The following CTNND2 variants were observed in gnomAD, a reference collection of about 807,000 sequenced individuals.
The protein encoded by CTNND2 is catenin delta-2.
In CTNND2, 22 loss-of-function variants were observed where a neutral mutation model predicts 144.4. That is an observed-to-expected ratio of 0.15 (90% CI 0.11 to 0.22). The LOEUF is 0.22. Ranked by LOEUF, CTNND2 falls within the 10% of genes least tolerant of loss-of-function variation. The pLI is 1.00. For missense variants in CTNND2, 1,353 were observed against 1,618.8 expected (o/e 0.84, Z 2.82); for synonymous variants, 751 against 695.6 (o/e 1.08, Z -1.25).
intron 5 of CTNND2, among the ~76,000 whole-genome samples, chr5:11,404,376 T>C (rs1422722063): frequency 6.6e-6 from 1 of 152,116 alleles, no homozygotes; most frequent in Non-Finnish European, 1.5e-5. Context: ...AAAAGGTTGA[T>C]TTTGGCCTTT....
chr5:11,090,126 G>C (rs541813979), intron 15 of CTNND2, among the ~76,000 whole-genome samples: 1 of 152,288 alleles, frequency 6.6e-6, no homozygotes, highest in South Asian at 2.1e-4. Flanking sequence ...TGGAACCTTT[G>C]ACTCAGGGCT....
intron 9 of CTNND2, among the ~76,000 whole-genome samples, chr5:11,310,309 CA>C (rs1245316074): frequency 6.6e-6 from 1 of 151,888 alleles, no homozygotes; most frequent in African/African-American, 2.4e-5. Flanking sequence ...GTAGGTGTTC[CA>C]AAAAATCCTT....
chr5:11,080,761 G>C (rs1191738333), intron 16 of CTNND2, among the ~76,000 whole-genome samples: 1 of 152,136 alleles, frequency 6.6e-6, no homozygotes, highest in Non-Finnish European at 1.5e-5. Flanking sequence ...CTTAAATGTA[G>C]AATCTAAAAC....
At chr5:11,554,322 C>T (rs561582392) in intron 3 of CTNND2, among the ~76,000 whole-genome samples, 97 of 152,186 alleles carry the variant, frequency 6.4e-4, no homozygotes, top group African/African-American at 2.1e-3. Context: ...CAAGAATGTT[C>T]GCATCCCTAG....
rs7728867 is a variant in CTNND2 at position 11,356,988 on chromosome 5, T to A, written c.1372+7708A>T. On this transcript the variant is annotated intron_variant, in intron 8 of 21. Coordinates refer to ENST00000304623, the MANE Select transcript of CTNND2 (RefSeq NM_001332.4). ...ATCAAAACCACAGTGAGATACTACC[T>A]CACTCCAGTTAGAATGGCTATTGTC... 6.7e-3 allele frequency among the ~76,000 whole-genome samples: 1,021 copies of A among 152,208 alleles called. 6 individuals carry two copies. The highest frequency in any genetic ancestry group is 0.017 in the Middle Eastern group (5 of 294).
chr5:11,397,467 G>C (rs775108258), intron 5 of CTNND2, among the ~76,000 whole-genome samples: 2 of 151,952 alleles, frequency 1.3e-5, no homozygotes, highest in African/African-American at 4.8e-5. Flanking sequence ...CCTACATAGA[G>C]ACATTTCTTA....
chr5:11,310,355 C>T (rs551240868), intron 9 of CTNND2, among the ~76,000 whole-genome samples: 5 of 152,144 alleles, frequency 3.3e-5, no homozygotes, highest in African/African-American at 1.2e-4. Context: ...CTATTTGACA[C>T]AATTAAAGTG....
intron 9 of CTNND2, among the ~76,000 whole-genome samples, chr5:11,303,366 C>T (rs1055060128): frequency 2.0e-5 from 3 of 152,230 alleles, no homozygotes; most frequent in Non-Finnish European, 2.9e-5. Flanking sequence ...GGTTTCTGCA[C>T]GCAGATGGCC....
At chr5:11,691,519 T>A (rs1190185039) in intron 2 of CTNND2, among the ~76,000 whole-genome samples, 1 of 152,054 alleles carries the variant, frequency 6.6e-6, no homozygotes. Context: ...AACCAAAGCA[T>A]CAACTTTTTG....
intron 3 of CTNND2, among the ~76,000 whole-genome samples, chr5:11,480,642 A>ATGTGTGTGTGTGTG (rs1491158593): frequency 3.7e-5 from 3 of 80,466 alleles, no homozygotes; most frequent in African/African-American, 1.9e-4. Context: ...TTGAAAATAC[A>ATGTGTGTGTGTGTG]TATATGTGTG....
intron 1 of CTNND2, among the ~76,000 whole-genome samples, chr5:11,844,557 G>T (rs1407575875): frequency 6.6e-6 from 1 of 152,042 alleles, no homozygotes. Flanking sequence ...ATATTTTATA[G>T]CATAAAATAG....
intron 8 of CTNND2, among the ~76,000 whole-genome samples, chr5:11,356,880 A>G (rs1755942574): frequency 6.6e-6 from 1 of 151,986 alleles, no homozygotes; most frequent in Non-Finnish European, 1.5e-5. Context: ...ACCTTACTTG[A>G]CATTTCTCAA....
intron 1 of CTNND2, among the ~76,000 whole-genome samples, chr5:11,757,791 GTA>G (rs1361693413): frequency 6.6e-6 from 1 of 151,912 alleles, no homozygotes; most frequent in African/African-American, 2.4e-5. Flanking sequence ...TAGTGTTGTT[GTA>G]TTTCTCTTAT....
chr5:11,879,341 G>A (rs59753024), intron 1 of CTNND2, among the ~76,000 whole-genome samples: 96,612 of 109,796 alleles, frequency 0.88, 42,176 homozygotes, highest in South Asian at 0.92. Context: ...TTAAATGTGT[G>A]TATATATATA....
chr5:11,391,311 C>T (rs1759614219), intron 6 of CTNND2, among the ~76,000 whole-genome samples: 1 of 151,940 alleles, frequency 6.6e-6, no homozygotes. Context: ...TTGCACTTTC[C>T]TAGTTTAAGT....
intron 11 of CTNND2, among the ~76,000 whole-genome samples, chr5:11,170,157 T>C (rs1346325136): frequency 6.6e-6 from 1 of 151,946 alleles, no homozygotes; most frequent in African/African-American, 2.4e-5. Context: ...CAGATAAGAG[T>C]CTGACTGTGA....
chr5:11,373,659 A>G (rs369159864), intron 7 of CTNND2, among the ~76,000 whole-genome samples: 6 of 152,180 alleles, frequency 3.9e-5, no homozygotes, highest in African/African-American at 1.4e-4. Flanking sequence ...GGCTTCTCCA[A>G]GAAGCATCCA....
At chr5:11,847,817 T>C (rs1028171916) in intron 1 of CTNND2, among the ~76,000 whole-genome samples, 8 of 152,126 alleles carry the variant, frequency 5.3e-5, no homozygotes, top group African/African-American at 9.7e-5. Context: ...TGAAACAATG[T>C]GGAAATAGAT....
At chr5:11,181,654 T>C (rs1435387373) in intron 11 of CTNND2, among the ~76,000 whole-genome samples, 17 of 151,862 alleles carry the variant, frequency 1.1e-4, no homozygotes, top group Non-Finnish European at 1.5e-5. Context: ...GCTCCGTGTG[T>C]ATGTGTGTGT....
Sources: allele counts gnomAD v4.1 joint callset (sites outside exome capture counted in the v4.1 genomes callset), GRCh38; gene constraint gnomAD v4.1.1; transcripts MANE v1.5; gene names NCBI Gene and HGNC (gene_info 2026-07-23, HGNC 2026-07-21).